PARD3B: variants seen among roughly 807,000 people sequenced by gnomAD.
PARD3B encodes partitioning defective 3 homolog B.
A neutral mutation model predicts 130.2 loss-of-function variants in PARD3B; 103 were observed. That is an observed-to-expected ratio of 0.79 (90% confidence interval 0.67 to 0.93). The LOEUF (loss-of-function observed/expected upper bound fraction) is 0.93. PARD3B is among the 40% of genes least tolerant of loss of function. The pLI, the probability that PARD3B is intolerant of heterozygous loss-of-function variation, is 0.00. For synonymous variants in PARD3B, 583 were observed against 553.2 expected (o/e 1.05, Z -0.76); for missense variants, 1,609 against 1,499.2 (o/e 1.07, Z -1.21).
intron 3 of PARD3B, among the ~76,000 whole-genome samples, chr2:204,999,771 T>C (rs2125275945): frequency 6.6e-6 from 1 of 152,330 alleles, no homozygotes; most frequent in South Asian, 2.1e-4. Context: ...CCCAATTTAC[T>C]TCAGTGAATT....
At position 204,913,426 on chromosome 2, in the gene PARD3B, A is replaced by G. The variant is rs544200835; in HGVS notation, c.223-51726A>G. On this transcript the variant is annotated intron_variant, in intron 2 of 22. Transcript: ENST00000406610. Reference sequence around the variant, plus strand: ...AGACGATTGTGAGATAATGCGTGCAAAAGTGCTTAGAACCACAGTTCTCAT... The same window carrying G: ...AGACGATTGTGAGATAATGCGTGCAGAAGTGCTTAGAACCACAGTTCTCAT... Among the ~76,000 whole-genome samples, 9 of 152,322 alleles carry G rather than the reference A, an allele frequency of 5.9e-5. 1 individual carries two copies. Among genetic ancestry groups the G allele is most frequent in the African/African-American group, 2.2e-4 (9 of 41,564 alleles).
intron 22 of PARD3B, among the ~76,000 whole-genome samples, chr2:205,609,750 C>T (rs532866863): frequency 1.3e-5 from 2 of 152,340 alleles, no homozygotes; most frequent in East Asian, 1.9e-4. Flanking sequence ...TATTTCTTCA[C>T]ATACTAAACT....
intron 1 of PARD3B, among the ~76,000 whole-genome samples, chr2:204,605,318 T>A (rs1236889660): frequency 2.0e-5 from 3 of 152,218 alleles, no homozygotes; most frequent in African/African-American, 7.2e-5. Context: ...GGCACATTGC[T>A]ATGACCATGT....
chr2:205,032,441 A>G (rs757713618), intron 3 of PARD3B, among the ~76,000 whole-genome samples: 6 of 152,134 alleles, frequency 3.9e-5, no homozygotes, highest in African/African-American at 9.7e-5. Context: ...AAGGTGCCTG[A>G]GGTTAAAGCT....
intron 2 of PARD3B, among the ~76,000 whole-genome samples, chr2:204,798,316 G>C (rs2125493774): frequency 6.6e-6 from 1 of 152,282 alleles, no homozygotes. Flanking sequence ...GCAACAAGGG[G>C]CAGAATTCAG....
intron 2 of PARD3B, among the ~76,000 whole-genome samples, chr2:204,881,430 G>A (rs2046042410): frequency 6.6e-6 from 1 of 151,806 alleles, no homozygotes; most frequent in Admixed American, 6.6e-5. Flanking sequence ...ATTATATGTT[G>A]ACAACGTAAC....
chr2:204,849,513 T>C (rs2044619744), intron 2 of PARD3B, among the ~76,000 whole-genome samples: 1 of 152,216 alleles, frequency 6.6e-6, no homozygotes, highest in South Asian at 2.1e-4. Context: ...AGTGAAGTGC[T>C]GACATCTTTG....
chr2:205,607,872 A>C (rs2055070095), intron 22 of PARD3B, among the ~76,000 whole-genome samples: 2 of 151,428 alleles, frequency 1.3e-5, no homozygotes, highest in Non-Finnish European at 2.9e-5. Context: ...ACACACACAC[A>C]CACACACAGA....
chr2:204,549,382 A>T (rs1559149705), intron 1 of PARD3B, among the ~76,000 whole-genome samples: 1 of 152,138 alleles, frequency 6.6e-6, no homozygotes. Flanking sequence ...TATGGTGGGG[A>T]TCGTTGAGTA....
At position 205,525,531 on chromosome 2, in the gene PARD3B, AAAAC is replaced by A. The variant is rs1322509517; in HGVS notation, c.3180+25504_3180+25507del. 1.3e-5 allele frequency among the ~76,000 whole-genome samples: 2 copies of A among 152,220 alleles called. No homozygotes were observed. Among genetic ancestry groups the A allele is most frequent in the African/African-American group, 2.4e-5 (1 of 41,454 alleles). ...GCATTGTTGTAATTATTAAAGATAA[AAAAC>A]AAAGTTCCTGCTATAAACATAGGGG... On this transcript the variant is annotated intron_variant, in intron 21 of 22. Transcript: ENST00000406610. The surrounding 1 kb of genome is among the most constrained non-coding windows in gnomAD (Gnocchi z 4.2).
Position 205,309,303 on chromosome 2 carries a change from T to C in PARD3B, c.2630+7602T>C, listed in dbSNP as rs2042293445. Among the ~76,000 whole-genome samples the C allele has an allele frequency of 6.6e-6, 1 of 152,168 alleles. No individual in the cohort carries two copies. The highest frequency in any genetic ancestry group is 2.4e-5 in the African/African-American group (1 of 41,436). ...TCAGCTGGATATTCTTTATTGTTTC[T>C]TCTCAACTCAGATAATGCAAGCATA... On this transcript the variant is annotated intron_variant, in intron 18 of 22. Transcript: ENST00000406610. The surrounding 1 kb of genome is among the most constrained non-coding windows in gnomAD (Gnocchi z 4.7).
intron 2 of PARD3B, among the ~76,000 whole-genome samples, chr2:204,732,296 T>C (rs2039547968): frequency 6.6e-6 from 1 of 152,068 alleles, no homozygotes; most frequent in South Asian, 2.1e-4. Context: ...AGCAAGAAGA[T>C]TGGACCTGGA....
chr2:205,307,340 A>C (rs547037705), intron 18 of PARD3B, among the ~76,000 whole-genome samples: 21 of 152,258 alleles, frequency 1.4e-4, no homozygotes, highest in African/African-American at 5.1e-4. Flanking sequence ...TACTTTGTTG[A>C]TTTCAGAATT....
intron 3 of PARD3B, among the ~76,000 whole-genome samples, chr2:204,982,984 A>G (rs1692803624): frequency 1.3e-5 from 2 of 152,248 alleles, no homozygotes; most frequent in African/African-American, 4.8e-5. Flanking sequence ...CTTCAGCTAA[A>G]GTATACAAAT....
intron 2 of PARD3B, among the ~76,000 whole-genome samples, chr2:204,865,086 C>T (rs961810257): frequency 6.6e-6 from 1 of 152,090 alleles, no homozygotes; most frequent in Admixed American, 6.5e-5. Flanking sequence ...TATCACACCA[C>T]CTCACTCATG....
chr2:205,006,607 C>T (rs1306725615), intron 3 of PARD3B, among the ~76,000 whole-genome samples: 1 of 151,994 alleles, frequency 6.6e-6, no homozygotes, highest in African/African-American at 2.4e-5. Flanking sequence ...GTTTGTATAT[C>T]TTTTTTTGAG....
chr2:204,947,957 A>G (rs993927494), intron 2 of PARD3B, among the ~76,000 whole-genome samples: 1 of 152,164 alleles, frequency 6.6e-6, no homozygotes, highest in Non-Finnish European at 1.5e-5. Flanking sequence ...ATGTAATGTG[A>G]CCAGATTTTT....
chr2:205,601,800 TATAGAATCATGTCATCTGCAAACAGAGAC>T (rs1336600077), intron 22 of PARD3B, among the ~76,000 whole-genome samples: 2 of 151,484 alleles, frequency 1.3e-5, no homozygotes, highest in East Asian at 2.0e-4. Flanking sequence ...GTCTTCTAGA[TATAGAATCATGTCATCTGCAAACAGAGAC>T]AGTCTGACTT....
chr2:205,362,326 G>A (rs891287902), intron 18 of PARD3B, among the ~76,000 whole-genome samples: 2 of 152,096 alleles, frequency 1.3e-5, no homozygotes, highest in South Asian at 2.1e-4. Flanking sequence ...ATTTATTTCT[G>A]TTGTTCAATC....
Sources: allele counts gnomAD v4.1 joint callset (sites outside exome capture counted in the v4.1 genomes callset), GRCh38; gene constraint gnomAD v4.1.1; non-coding constraint Gnocchi (gnomAD v3.1); transcripts MANE v1.5; gene names NCBI Gene and HGNC (gene_info 2026-07-23, HGNC 2026-07-21).